Variants in SPECC1 observed in about 807,000 individuals in gnomAD.
SPECC1 encodes the protein sperm antigen with calponin homology and coiled-coil domains 1, also known as cytospin-B.
A neutral mutation model predicts 104.1 loss-of-function variants in SPECC1; 62 were observed. That is an observed-to-expected ratio of 0.60 (90% CI 0.49 to 0.74). The LOEUF is 0.74. Among genes scored for constraint, SPECC1 ranks in the 30% least tolerant of loss-of-function variants. SPECC1 has a pLI of 0.00. For synonymous variants in SPECC1, 513 were observed against 501.6 expected (o/e 1.02, Z -0.30); for missense variants, 1,306 against 1,310.5 (o/e 1.00, Z 0.05).
chr17:20,232,373 C>T lies in SPECC1; in HGVS notation c.2319C>T (p.His773=), dbSNP rs765155810. 8.7e-6 allele frequency: 14 copies of T among 1,613,016 alleles called. No individual in the cohort carries two copies. In the South Asian group the frequency reaches 9.9e-5, roughly 11 times the overall value. ...LQKELGDVQG[H]GRVVTSRAAP... is the part of the protein sequence containing the mutation. The stretch of plus-strand genomic sequence containing the variant: ...AGGAGCTGGGGGATGTGCAGGGCCA[C>T]GGCAGGGTGGTCACCAGCAGAGCCG... The change falls in exon 7 of 15, where the codon CAC becomes CAT. Residue 773 remains histidine, a synonymous_variant. Coordinates refer to ENST00000395527, the MANE Select transcript of SPECC1 (RefSeq NM_001243439.2).
intron 1 of SPECC1, among the ~76,000 whole-genome samples, chr17:20,022,562 G>T (rs1258048533): frequency 6.6e-6 from 1 of 152,192 alleles, no homozygotes; most frequent in Non-Finnish European, 1.5e-5. Context: ...TGACATGTCT[G>T]TTGACAACAT....
chr17:20,154,017 G>C (rs1446961917), intron 3 of SPECC1, among the ~76,000 whole-genome samples: 2 of 152,192 alleles, frequency 1.3e-5, no homozygotes, highest in African/African-American at 4.8e-5. Flanking sequence ...ATAAAACTGT[G>C]ACTCTTGTCT....
At chr17:20,110,171 T>C (rs994386619) in intron 2 of SPECC1, among the ~76,000 whole-genome samples, 2 of 152,238 alleles carry the variant, frequency 1.3e-5, no homozygotes, top group Non-Finnish European at 2.9e-5. Context: ...AAGTGTGACC[T>C]GATGGTATTC....
intron 1 of SPECC1, among the ~76,000 whole-genome samples, chr17:20,084,458 CAAAT>C (rs575712236): frequency 4.1e-4 from 62 of 152,208 alleles, no homozygotes; most frequent in African/African-American, 1.4e-3. Flanking sequence ...ATAAAAGTAA[CAAAT>C]AATAACAAAA....
intron 3 of SPECC1, among the ~76,000 whole-genome samples, chr17:20,201,191 T>TA (rs2036406881): frequency 6.6e-6 from 1 of 151,798 alleles, no homozygotes; most frequent in African/African-American, 2.4e-5. Context: ...CTGGGCACGG[T>TA]GGCTCACGCC....
intron 3 of SPECC1, among the ~76,000 whole-genome samples, chr17:20,118,859 G>T (rs2048890658): frequency 6.6e-6 from 1 of 151,922 alleles, no homozygotes; most frequent in Non-Finnish European, 1.5e-5. Flanking sequence ...TCTTCTACTT[G>T]CCTTTTGTAG....
At chr17:20,253,683 AGTGGCATTT>A in intron 10 of SPECC1, 97 bp downstream of exon 10, 1 of 1,178,138 alleles carries the variant, frequency 8.5e-7, no homozygotes, top group Non-Finnish European at 1.2e-6. Context: ...AAAAATAATC[AGTGGCATTT>A]CTTGCAAGTG....
intron 2 of SPECC1, 137 bp downstream of exon 2, chr17:20,096,935 G>C (rs934352388): frequency 1.7e-5 from 19 of 1,128,660 alleles, no homozygotes; most frequent in Non-Finnish European, 2.4e-5. Flanking sequence ...AGGAGGACCA[G>C]CATGCCTGGA....
intron 3 of SPECC1, among the ~76,000 whole-genome samples, chr17:20,172,460 C>T (rs953637256): frequency 1.3e-5 from 2 of 152,240 alleles, no homozygotes; most frequent in African/African-American, 4.8e-5. Context: ...TTCAGGTAGA[C>T]CTTTCCCTTT....
chr17:20,318,656 A>G lies in SPECC1; in HGVS notation c.*4591A>G, dbSNP rs2042068716. The G allele has an allele frequency of 4.4e-6, 1 of 227,220 alleles. No homozygotes were observed. The highest frequency in any genetic ancestry group is 8.7e-6 in the Non-Finnish European group (1 of 114,360). The allele number at this position is 227,220 out of a possible 1,614,324, so 14.1% of individuals were successfully genotyped here. ...ATAGTTCTCACCCTTCCAAAGCTCGAGTGCCATTTTGAGATGACCTACCAA... is the reference window on the plus strand; with the variant it reads ...ATAGTTCTCACCCTTCCAAAGCTCGGGTGCCATTTTGAGATGACCTACCAA... On this transcript the variant is annotated 3_prime_UTR_variant, in exon 15 of 15. Transcript: ENST00000395527.
chr17:20,257,028 G>A (rs1380832402), intron 10 of SPECC1, among the ~76,000 whole-genome samples: 1 of 152,154 alleles, frequency 6.6e-6, no homozygotes, highest in East Asian at 1.9e-4. Context: ...GTTCTTCTTG[G>A]TTCCCAGCTT....
chr17:20,258,739 A>T (rs1239471655), intron 11 of SPECC1, among the ~76,000 whole-genome samples: 3 of 152,010 alleles, frequency 2.0e-5, no homozygotes, highest in Non-Finnish European at 4.4e-5. Flanking sequence ...CTCCTTTCAT[A>T]CTCCAAATAC....
At chr17:20,170,106 C>T (rs1291156100) in intron 3 of SPECC1, among the ~76,000 whole-genome samples, 2 of 152,224 alleles carry the variant, frequency 1.3e-5, no homozygotes, top group Non-Finnish European at 2.9e-5. Flanking sequence ...TTGCTGCCCT[C>T]CTCCGTCCAG....
intron 3 of SPECC1, among the ~76,000 whole-genome samples, chr17:20,170,856 G>A (rs2034034801): frequency 6.6e-6 from 1 of 152,084 alleles, no homozygotes; most frequent in African/African-American, 2.4e-5. Context: ...ACTATATCTA[G>A]TAAAGAACTG....
At chr17:20,268,953 G>A (rs865880325) in intron 12 of SPECC1, among the ~76,000 whole-genome samples, 5 of 152,334 alleles carry the variant, frequency 3.3e-5, no homozygotes, top group Middle Eastern at 3.4e-3. Flanking sequence ...ATATCAAAGT[G>A]TGTAGAGACC....
intron 3 of SPECC1, among the ~76,000 whole-genome samples, chr17:20,123,711 G>C (rs181836915): frequency 6.6e-6 from 1 of 152,160 alleles, no homozygotes; most frequent in African/African-American, 2.4e-5. Context: ...TCTCAGGTAG[G>C]GAGACTTGTT....
intron 1 of SPECC1, among the ~76,000 whole-genome samples, chr17:20,075,651 A>C (rs889293571): frequency 3.9e-5 from 6 of 152,098 alleles, no homozygotes; most frequent in Non-Finnish European, 1.5e-5. Context: ...ATTTTGTAAA[A>C]AAATTTAGCC....
Position 20,207,705 on chromosome 17 carries a change from C to T in SPECC1, c.1863+1793C>T, listed in dbSNP as rs1340298342. Among the ~76,000 whole-genome samples the T allele has an allele frequency of 3.3e-5, 5 of 152,220 alleles. No individual in the cohort carries two copies. The East Asian group carries it at 9.6e-4, about 29-fold the overall frequency. ...CACCACTTGGAGAAAAACTGCTAACCTTTTGCTGTATGTCCTTTCAGGCCT... is the reference window on the plus strand; with the variant it reads ...CACCACTTGGAGAAAAACTGCTAACTTTTTGCTGTATGTCCTTTCAGGCCT... On this transcript the variant is annotated intron_variant, in intron 4 of 14. Coordinates refer to ENST00000395527, the MANE Select transcript of SPECC1 (RefSeq NM_001243439.2).
intron 1 of SPECC1, among the ~76,000 whole-genome samples, chr17:20,067,708 GTATTCACTTA>G (rs1330333701): frequency 1.3e-5 from 2 of 151,776 alleles, no homozygotes; most frequent in African/African-American, 4.8e-5. Context: ...GAGATAACAT[GTATTCACTTA>G]TATTCACTGC....
Sources: allele counts gnomAD v4.1 joint callset (sites outside exome capture counted in the v4.1 genomes callset), GRCh38; gene constraint gnomAD v4.1.1; transcripts MANE v1.5; gene names NCBI Gene and HGNC (gene_info 2026-07-23, HGNC 2026-07-21).